GPC4: variants seen among roughly 807,000 people sequenced by gnomAD.
The protein encoded by GPC4 is glypican 4, also known as glypican-4.
Under a neutral mutation model 35.0 loss-of-function variants are expected in GPC4, and 10 were observed. The observed-to-expected ratio is 0.29, with a 90% CI of 0.18 to 0.48. GPC4 has a LOEUF of 0.48. Among genes scored for constraint, GPC4 ranks in the 20% least tolerant of loss-of-function variants. GPC4 has a pLI of 0.99. For synonymous variants in GPC4, 167 were observed against 170.2 expected, an observed-to-expected ratio of 0.98 and a Z score of 0.15; for missense variants, 322 against 451.3, an observed-to-expected ratio of 0.71 and a Z score of 2.60.
chrX:133,404,354 T>A (rs1017287158), intron 1 of GPC4, among the ~76,000 whole-genome samples: 28 of 105,723 alleles, frequency 2.6e-4, no homozygotes, highest in Non-Finnish European at 4.6e-4. Flanking sequence ...AAGACCAGCA[T>A]GACCAACATG....
intron 1 of GPC4, chrX:133,414,522 AGGAGCGGAGGCGG>A: frequency 1.3e-6 from 1 of 753,958 alleles, no homozygotes; most frequent in Non-Finnish European, 1.6e-6. Context: ...GGGGGAGAGG[AGGAGCGGAGGCGG>A]GGAGCGGAGC....
intron 4 of GPC4, among the ~76,000 whole-genome samples, chrX:133,310,289 C>A (rs1161973304): frequency 9.0e-6 from 1 of 111,704 alleles, no homozygotes; most frequent in East Asian, 2.8e-4. Flanking sequence ...GCAAAGGTGA[C>A]TAGGGTGGGG....
chrX:133,344,172 TTTTCTTTC>T (rs1181663569), intron 1 of GPC4, among the ~76,000 whole-genome samples: 3 of 101,861 alleles, frequency 2.9e-5, no homozygotes, highest in Non-Finnish European at 6.0e-5. Flanking sequence ...TCTTTCTTTA[TTTTCTTTC>T]TTTCTTTCTG....
rs767187657 is a variant in GPC4 at position 133,387,315 on chromosome X, A to G, written c.160+27491T>C. ...CAGTGGGTTTCAATTATATGCTGCG[A>G]ATAATGTCCCAAAGCATTTTGCAGG... On this transcript the variant is annotated intron_variant, in intron 1 of 8. Transcript: ENST00000370828. Among the ~76,000 whole-genome samples the G allele has an allele frequency of 2.5e-4, 28 of 111,963 alleles. No individual in the cohort carries two copies. The Admixed American group carries it at 2.6e-3, about 10-fold the overall frequency.
intron 1 of GPC4, among the ~76,000 whole-genome samples, chrX:133,342,377 C>A (rs2068471165): frequency 9.0e-6 from 1 of 111,456 alleles, no homozygotes; most frequent in Non-Finnish European, 1.9e-5. Flanking sequence ...AGTGCACTTT[C>A]ATCTCAGAGA....
At chrX:133,373,300 C>T (rs773198845) in intron 1 of GPC4, among the ~76,000 whole-genome samples, 1 of 111,241 alleles carries the variant, frequency 9.0e-6, no homozygotes, top group African/African-American at 3.3e-5. Context: ...ATTTCTGCTA[C>T]GTACACAAGA....
chrX:133,409,157 A>C (rs1204251960), intron 1 of GPC4, among the ~76,000 whole-genome samples: 5 of 39,840 alleles, frequency 1.3e-4, no homozygotes, highest in African/African-American at 1.1e-3. Flanking sequence ...TTCATCTTGG[A>C]AAAAAAAAAA....
chrX:133,349,251 A>C (rs1382793414), intron 1 of GPC4, among the ~76,000 whole-genome samples: 1 of 112,203 alleles, frequency 8.9e-6, no homozygotes, highest in Non-Finnish European at 1.9e-5. Flanking sequence ...CCTGCACACC[A>C]TCACAGAAGA....
At chrX:133,401,482 T>C (rs918460611) in intron 1 of GPC4, among the ~76,000 whole-genome samples, 3 of 111,637 alleles carry the variant, frequency 2.7e-5, no homozygotes, top group Admixed American at 1.9e-4. Context: ...AGCCCAAAGG[T>C]AGAGATTATG....
chrX:133,365,900 C>T (rs1315180319), intron 1 of GPC4, among the ~76,000 whole-genome samples: 1 of 112,213 alleles, frequency 8.9e-6, no homozygotes, highest in Admixed American at 9.4e-5. Context: ...GATGGAGCAA[C>T]GTCCTATACT....
intron 3 of GPC4, among the ~76,000 whole-genome samples, chrX:133,312,762 G>A (rs1035106438): frequency 2.7e-5 from 3 of 111,376 alleles, no homozygotes; most frequent in African/African-American, 9.8e-5. Context: ...ATGACTGGAA[G>A]TTTGTGAGGA....
In GPC4 at chrX:133,356,473, G is replaced by C. The variant is rs184588268; in HGVS notation, c.161-17132C>G. ...TTGGCCAGGCTGGTTTCAAACTCCT[G>C]ACCTCAGGTGATCTACTCACCTCAG... On this transcript the variant is annotated intron_variant, in intron 1 of 8. Coordinates refer to ENST00000370828, the MANE Select transcript of GPC4 (RefSeq NM_001448.3). Among the ~76,000 whole-genome samples, 388 of 111,255 alleles carry C rather than the reference G, an allele frequency of 3.5e-3. 1 individual carries two copies. Among genetic ancestry groups the C allele is most frequent in the Non-Finnish European group, 5.6e-3 (295 of 53,050 alleles).
intron 1 of GPC4, among the ~76,000 whole-genome samples, chrX:133,359,861 C>G (rs1018671127): frequency 3.6e-5 from 4 of 111,333 alleles, no homozygotes; most frequent in African/African-American, 1.3e-4. Context: ...TCTTTACAAA[C>G]AGCCACTGTG....
intron 1 of GPC4, among the ~76,000 whole-genome samples, chrX:133,398,689 A>C (rs1211044463): frequency 2.8e-5 from 3 of 108,328 alleles, no homozygotes; most frequent in African/African-American, 1.0e-4. Context: ...AATCACTTGA[A>C]CCCGGGAGGT....
At chrX:133,320,321 A>C (rs1177426901) in intron 3 of GPC4, among the ~76,000 whole-genome samples, 1 of 111,945 alleles carries the variant, frequency 8.9e-6, no homozygotes, top group East Asian at 2.8e-4. Context: ...TGTTAGGGTT[A>C]TATTTAGAAA....
At chrX:133,319,815 C>A (rs1569342867) in intron 3 of GPC4, among the ~76,000 whole-genome samples, 1 of 111,575 alleles carries the variant, frequency 9.0e-6, no homozygotes, top group Non-Finnish European at 1.9e-5. Context: ...CCTTTATTGT[C>A]TTTCCAATAC....
At chrX:133,344,989 CTA>C (rs1194721047) in intron 1 of GPC4, among the ~76,000 whole-genome samples, 1 of 112,712 alleles carries the variant, frequency 8.9e-6, no homozygotes, top group Admixed American at 9.4e-5. Context: ...ACATAAGAGA[CTA>C]TGATTTTGCA....
chrX:133,415,009 G>A lies in GPC4; in HGVS notation c.-44C>T. 8.5e-7 allele frequency: 1 copy of A among 1,170,583 alleles called. No individual in the cohort carries two copies. Among genetic ancestry groups the A allele is most frequent in the East Asian group, 3.0e-5 (1 of 33,074 alleles). On this transcript the variant is annotated 5_prime_UTR_variant, in exon 1 of 9. Transcript: ENST00000370828. Reference sequence around the variant, plus strand: ...CGCGTTCCCACCTTTGGGACCGGACGGGAAGCGGCGCTACGGCAGCGGGCC... The same window carrying A: ...CGCGTTCCCACCTTTGGGACCGGACAGGAAGCGGCGCTACGGCAGCGGGCC...
At chrX:133,369,866 TAAC>T (rs1382160105) in intron 1 of GPC4, among the ~76,000 whole-genome samples, 1 of 111,382 alleles carries the variant, frequency 9.0e-6, no homozygotes. Context: ...ATATTACTAT[TAAC>T]AACCCACCAT....
Sources: gnomAD v4.1 joint callset for allele counts (sites outside exome capture counted in the v4.1 genomes callset) on GRCh38, gnomAD v4.1.1 for gene constraint, MANE v1.5 for transcripts, NCBI Gene and HGNC (gene_info 2026-07-23, HGNC 2026-07-21) for gene names.